CAMKMT: variants seen among roughly 807,000 people sequenced by gnomAD.
CAMKMT encodes the protein calmodulin-lysine N-methyltransferase.
In CAMKMT, 53 loss-of-function variants were observed where a neutral mutation model predicts 48.0. The observed-to-expected ratio is 1.10, with a 90% confidence interval of 0.89 to 1.39. The LOEUF is 1.39. CAMKMT is among the 40% of genes most tolerant of loss of function. The pLI is 0.00. For missense variants in CAMKMT, 428 were observed against 402.7 expected (o/e 1.06, Z -0.54); for synonymous variants, 165 against 152.3 (o/e 1.08, Z -0.61).
At chr2:44,512,709 A>G (rs562171442) in intron 3 of CAMKMT, among the ~76,000 whole-genome samples, 1 of 152,258 alleles carries the variant, frequency 6.6e-6, no homozygotes, top group Non-Finnish European at 1.5e-5. Context: ...CTAAATCTGT[A>G]TGAAATTTTG....
At chr2:44,480,763 A>G (rs1391800169) in intron 3 of CAMKMT, among the ~76,000 whole-genome samples, 1 of 140,040 alleles carries the variant, frequency 7.1e-6, no homozygotes, top group South Asian at 2.5e-4. Flanking sequence ...CTTTGTATCA[A>G]TTAGGTACAT....
chr2:44,380,626 C>T (rs1351727752), intron 2 of CAMKMT, among the ~76,000 whole-genome samples: 2 of 152,184 alleles, frequency 1.3e-5, no homozygotes, highest in South Asian at 2.1e-4. Flanking sequence ...GAATCTTTGT[C>T]ATACTATATT....
At chr2:44,383,610 T>C (rs1443681182) in intron 2 of CAMKMT, among the ~76,000 whole-genome samples, 1 of 152,198 alleles carries the variant, frequency 6.6e-6, no homozygotes, top group East Asian at 1.9e-4. Context: ...GTGTACCATA[T>C]TTGTTTATCC....
chr2:44,635,182 G>C (rs1350275178), intron 3 of CAMKMT, among the ~76,000 whole-genome samples: 2 of 152,260 alleles, frequency 1.3e-5, no homozygotes, highest in African/African-American at 4.8e-5. Flanking sequence ...AGAGCATACA[G>C]TCTACTGTTT....
chr2:44,362,111 C>G lies in CAMKMT; in HGVS notation c.104C>G (p.Pro35Arg). 6.8e-7 allele frequency: 1 copy of G among 1,469,974 alleles called. No individual in the cohort carries two copies. The highest frequency in any genetic ancestry group is 1.4e-5 in the South Asian group (1 of 73,904). The allele number at this position is 1,469,974 out of a possible 1,614,324, so 91.1% of individuals were successfully genotyped here. A position where few individuals can be genotyped will look rare whatever the true frequency, so the allele number is the denominator to read the frequency against. Reference sequence around the variant, plus strand: ...ACTCGGGGGCCCGTAGTCTCGGCGCCCCTGGGAGCCGCCCGGTGGAAGCTC... The same window carrying G: ...ACTCGGGGGCCCGTAGTCTCGGCGCGCCTGGGAGCCGCCCGGTGGAAGCTC... ...CTTRGPVVSA[P>R]LGAARWKLLR... The change falls in exon 1 of 11, where the codon CCC becomes CGC. Residue 35 changes from proline to arginine, a missense_variant. Pro to Arg is a moderately radical substitution (Grantham distance 103). Transcript: ENST00000378494.
chr2:44,558,808 T>G (rs1668163300), intron 3 of CAMKMT, among the ~76,000 whole-genome samples: 1 of 151,804 alleles, frequency 6.6e-6, no homozygotes, highest in Admixed American at 6.6e-5. Flanking sequence ...GAGGTGAGGG[T>G]TCAAAAACTA....
At chr2:44,429,141 T>G (rs1684473961) in intron 3 of CAMKMT, among the ~76,000 whole-genome samples, 2 of 152,180 alleles carry the variant, frequency 1.3e-5, no homozygotes, top group Non-Finnish European at 2.9e-5. Flanking sequence ...CTGACCAGCC[T>G]AGACATACCA....
rs141700083 is a variant in CAMKMT, at chr2:44,482,948, A to G, written c.376+92643A>G. Among the ~76,000 whole-genome samples, 257 of 152,282 alleles carry G rather than the reference A, an allele frequency of 1.7e-3. 3 individuals are homozygous for G. The highest frequency in any genetic ancestry group is 5.9e-3 in the African/African-American group (246 of 41,568). On this transcript the variant is annotated intron_variant, in intron 3 of 10. Transcript: ENST00000378494. Reference sequence around the variant, plus strand: ...GGGCATGTACAATCAGGTTCTGCTTAAAGTCAACATTTCTTATAAAGGCAC... The same window carrying G: ...GGGCATGTACAATCAGGTTCTGCTTGAAGTCAACATTTCTTATAAAGGCAC...
intron 3 of CAMKMT, among the ~76,000 whole-genome samples, chr2:44,415,603 C>G (rs1446560215): frequency 6.6e-6 from 1 of 152,124 alleles, no homozygotes; most frequent in Non-Finnish European, 1.5e-5. Flanking sequence ...CTAATGTAAA[C>G]AGAGAGCAAA....
chr2:44,713,792 T>C (rs772108544), intron 6 of CAMKMT, among the ~76,000 whole-genome samples: 1 of 152,130 alleles, frequency 6.6e-6, no homozygotes, highest in African/African-American at 2.4e-5. Context: ...TGGGTGTGCC[T>C]GGTGGTTCAA....
At chr2:44,489,630 C>T (rs1220601519) in intron 3 of CAMKMT, among the ~76,000 whole-genome samples, 1 of 152,016 alleles carries the variant, frequency 6.6e-6, no homozygotes, top group Admixed American at 6.6e-5. Context: ...ACTTGGATTA[C>T]AATTGACAGG....
At chr2:44,564,746 G>C (rs953790220) in intron 3 of CAMKMT, among the ~76,000 whole-genome samples, 1 of 152,082 alleles carries the variant, frequency 6.6e-6, no homozygotes, top group African/African-American at 2.4e-5. Flanking sequence ...TACCATGTTG[G>C]CCAGGCTGGT....
intron 3 of CAMKMT, among the ~76,000 whole-genome samples, chr2:44,626,944 C>G (rs532885188): frequency 2.0e-5 from 3 of 152,116 alleles, no homozygotes; most frequent in Non-Finnish European, 4.4e-5. Flanking sequence ...ATATCCTTGC[C>G]TCGTTTCTGA....
At chr2:44,665,076 G>T (rs1221546886) in intron 3 of CAMKMT, among the ~76,000 whole-genome samples, 2 of 152,060 alleles carry the variant, frequency 1.3e-5, no homozygotes, top group Non-Finnish European at 1.5e-5. Context: ...TTGTTTGTTT[G>T]TTTTTTGTTT....
chr2:44,663,528 A>G (rs1361625648), intron 3 of CAMKMT, among the ~76,000 whole-genome samples: 4 of 152,222 alleles, frequency 2.6e-5, no homozygotes, highest in African/African-American at 9.7e-5. Context: ...AACTTTTAAA[A>G]GGTTCATTAT....
At chr2:44,608,365 C>T (rs1295912481) in intron 3 of CAMKMT, among the ~76,000 whole-genome samples, 1 of 152,100 alleles carries the variant, frequency 6.6e-6, no homozygotes, top group Non-Finnish European at 1.5e-5. Context: ...AGCCACCGCA[C>T]CCAGCCTATT....
chr2:44,445,518 G>A (rs1156733321), intron 3 of CAMKMT, among the ~76,000 whole-genome samples: 9 of 151,844 alleles, frequency 5.9e-5, no homozygotes, highest in Admixed American at 5.9e-4. Flanking sequence ...AGGTAATTGT[G>A]TCTCCATACT....
intron 10 of CAMKMT, among the ~76,000 whole-genome samples, chr2:44,770,899 C>T (rs1681078717): frequency 6.6e-6 from 1 of 152,194 alleles, no homozygotes; most frequent in Non-Finnish European, 1.5e-5. Flanking sequence ...GTGACTGTAC[C>T]ACCATCAGTT....
chr2:44,588,645 A>G (rs1349567272), intron 3 of CAMKMT, among the ~76,000 whole-genome samples: 1 of 32,470 alleles, frequency 3.1e-5, no homozygotes. Context: ...TCCGGGAGGG[A>G]GGTGGGGGGT....
Sources: allele counts gnomAD v4.1 joint callset (sites outside exome capture counted in the v4.1 genomes callset), GRCh38; gene constraint gnomAD v4.1.1; transcripts MANE v1.5; gene names NCBI Gene and HGNC (gene_info 2026-07-23, HGNC 2026-07-21).